ZKSCAN7: variants seen among roughly 807,000 people sequenced by gnomAD.
ZKSCAN7 encodes the protein zinc finger protein with KRAB and SCAN domains 7.
Under a neutral mutation model 65.3 loss-of-function variants are expected in ZKSCAN7, and 38 were observed. That is an observed-to-expected ratio of 0.58 (90% CI 0.45 to 0.76). ZKSCAN7 has a LOEUF of 0.76. Among genes scored for constraint, ZKSCAN7 ranks in the 30% least tolerant of loss-of-function variants. ZKSCAN7 has a pLI of 0.00. For synonymous variants in ZKSCAN7, 321 were observed against 321.0 expected (o/e 1.00, Z 0.00); for missense variants, 815 against 913.3 (o/e 0.89, Z 1.39).
Position 44,556,917 on chromosome 3 carries a change from C to T in ZKSCAN7, c.-118-13C>T, listed in dbSNP as rs997322183. 8.2e-7 allele frequency: 1 copy of T among 1,219,154 alleles called. No individual in the cohort carries two copies. Among genetic ancestry groups the T allele is most frequent in the Non-Finnish European group, 1.2e-6 (1 of 848,338 alleles). 75.5% of individuals were successfully genotyped at this position (1,219,154 alleles called of 1,614,324 possible). On this transcript the variant is annotated splice_polypyrimidine_tract_variant and intron_variant, in intron 1 of 5. Transcript: ENST00000426540. ...ATACTCCAAGAACTCTGATTTCACT[C>T]TTGTTTCTGTAGGCCACACTACCAT...
chr3:44,579,976 G>T (rs925069339), intron 5 of ZKSCAN7: 25 of 1,479,952 alleles, frequency 1.7e-5, no homozygotes, highest in African/African-American at 3.5e-5. Context: ...AGAGGAGCTT[G>T]GGGGGGGGCT....
intron 5 of ZKSCAN7, among the ~76,000 whole-genome samples, chr3:44,581,255 T>TG (rs1167875795): frequency 6.7e-6 from 1 of 148,432 alleles, no homozygotes; most frequent in African/African-American, 2.4e-5. Flanking sequence ...CCAGCCGCCG[T>TG]GGGCCCAAGG....
At chr3:44,575,711 G>A (rs1699909675), downstream of ZKSCAN7, among the ~76,000 whole-genome samples, 1 of 152,168 alleles carries the variant, frequency 6.6e-6, no homozygotes, top group Non-Finnish European at 1.5e-5. Context: ...CTGAGTAGCT[G>A]GGATTACAGG....
At chr3:44,581,003 C>A in intron 5 of ZKSCAN7, 1 of 1,606,896 alleles carries the variant, frequency 6.2e-7, no homozygotes, top group Non-Finnish European at 8.5e-7. Flanking sequence ...ATTTCCTGCA[C>A]GGGTTCTCCT....
downstream of ZKSCAN7, among the ~76,000 whole-genome samples, chr3:44,572,849 CAAAAAAAAA>C (rs11339297): frequency 1.4e-5 from 1 of 72,436 alleles, no homozygotes; most frequent in Non-Finnish European, 2.7e-5. Context: ...GACTCTGTCT[CAAAAAAAAA>C]AAAAAAAAAA....
At chr3:44,565,445 A>G (rs200543858) in intron 2 of ZKSCAN7, 42 bp from the exon 3 acceptor site, 102 of 1,543,650 alleles carry the variant, frequency 6.6e-5, no homozygotes, top group Non-Finnish European at 8.1e-5. Context: ...CAGTACCTTC[A>G]AGGATGCTCT....
intron 5 of ZKSCAN7, among the ~76,000 whole-genome samples, chr3:44,581,339 C>T (rs980010159): frequency 4.0e-5 from 6 of 151,268 alleles, no homozygotes; most frequent in South Asian, 2.1e-4. Context: ...CCGGCTCGTC[C>T]GCGCCGCCAC....
intron 2 of ZKSCAN7, among the ~76,000 whole-genome samples, chr3:44,562,522 G>A (rs557245308): frequency 2.5e-4 from 38 of 152,338 alleles, no homozygotes; most frequent in African/African-American, 8.7e-4. Context: ...CAGAAAACGG[G>A]TTTTTCTTTT....
chr3:44,559,725 C>T (rs998812952), intron 2 of ZKSCAN7, among the ~76,000 whole-genome samples: 1 of 152,214 alleles, frequency 6.6e-6, no homozygotes, highest in African/African-American at 2.4e-5. Flanking sequence ...TCACGCTCAG[C>T]CTATTCAATG....
downstream of ZKSCAN7, among the ~76,000 whole-genome samples, chr3:44,575,061 G>A (rs1699895825): frequency 6.6e-6 from 1 of 152,184 alleles, no homozygotes; most frequent in Non-Finnish European, 1.5e-5. Context: ...GGGAGGTGAA[G>A]GCAGGAGGAT....
chr3:44,580,650 T>G, intron 5 of ZKSCAN7: 6 of 1,613,934 alleles, frequency 3.7e-6, no homozygotes, highest in Non-Finnish European at 5.1e-6. Context: ...GAAATGCTCC[T>G]TCTCAGGCGT....
At position 44,568,420 on chromosome 3, in the gene ZKSCAN7, C is replaced by G. The variant is rs1699697624; in HGVS notation, c.798C>G (p.Ser266Arg). ...QWNMMPENHH[S>R]MASLAGENMM... ...ACATGATGCCAGAAAATCACCATAG[C>G]ATGGCCTCCTTGGGTAATGATTCTG... The change falls in exon 5 of 6, where the codon AGC (serine) becomes AGG (arginine). Residue 266 changes from serine to arginine, a missense_variant. This residue lies in a region of ZKSCAN7 where 578 missense variants were observed against 629.5 expected (regional missense o/e 0.92). Transcript: ENST00000426540. 1 of 1,613,804 alleles carries G rather than the reference C, an allele frequency of 6.2e-7. No homozygotes were observed. Among genetic ancestry groups the G allele is most frequent in the Non-Finnish European group, 8.5e-7 (1 of 1,179,878 alleles).
intron 2 of ZKSCAN7, 108 bp from the exon 3 acceptor site, chr3:44,565,379 G>A: frequency 4.4e-6 from 5 of 1,142,718 alleles, no homozygotes; most frequent in Non-Finnish European, 6.0e-6. Flanking sequence ...AGGACACCCT[G>A]GCTCTTCTTT....
At position 44,555,215 on chromosome 3, in the gene ZKSCAN7, T is replaced by C. The variant is rs1699253694; in HGVS notation, c.-385T>C. The C allele has an allele frequency of 6.6e-6, 1 of 152,224 alleles. No individual in the cohort carries two copies. Among genetic ancestry groups the C allele is most frequent in the African/African-American group, 2.4e-5 (1 of 41,462 alleles). 9.4% of individuals were successfully genotyped at this position (152,224 alleles called of 1,614,324 possible). On this transcript the variant is annotated 5_prime_UTR_variant, in exon 1 of 6. Transcript: ENST00000426540. ...CTCGCTTCCGGCTCGGCCATTGTTT[T>C]TGGTCTAACGGGCAGTAGAGTGTCC...
chr3:44,561,810 G>C (rs1000700183), intron 2 of ZKSCAN7, among the ~76,000 whole-genome samples: 1 of 152,228 alleles, frequency 6.6e-6, no homozygotes, highest in East Asian at 1.9e-4. Context: ...TGATGCAAGA[G>C]ATCAGTTCCC....
intron 2 of ZKSCAN7, among the ~76,000 whole-genome samples, chr3:44,561,882 C>T (rs1699485080): frequency 6.6e-6 from 1 of 152,218 alleles, no homozygotes; most frequent in Non-Finnish European, 1.5e-5. Context: ...GCTGCAGTCA[C>T]CAACTGACAT....
intron 2 of ZKSCAN7, among the ~76,000 whole-genome samples, chr3:44,558,714 T>C (rs1202215441): frequency 6.7e-6 from 1 of 150,286 alleles, no homozygotes; most frequent in African/African-American, 2.4e-5. Flanking sequence ...TTCTTCTTTT[T>C]CCTCCTCCTC....
In ZKSCAN7 at chr3:44,571,740, CAA is replaced by C. The variant is rs2125726573; in HGVS notation, c.*367_*368del. ...TACTTCCTCCATTTCACCATTTATACAAAGTCATTCAAAAAGGCTGATTCATG... is the reference window on the plus strand; with the variant it reads ...TACTTCCTCCATTTCACCATTTATACAGTCATTCAAAAAGGCTGATTCATG... On this transcript the variant is annotated 3_prime_UTR_variant, in exon 6 of 6. Coordinates refer to ENST00000426540, the MANE Select transcript of ZKSCAN7 (RefSeq NM_001288590.2). 2.9e-6 allele frequency: 3 copies of C among 1,047,272 alleles called. No homozygotes were observed. The South Asian group carries it at 1.0e-4, about 36-fold the overall frequency. The allele number at this position is 1,047,272 out of a possible 1,614,324, so 64.9% of individuals were successfully genotyped here. A position where few individuals can be genotyped will look rare whatever the true frequency, so the allele number is the denominator to read the frequency against.
chr3:44,560,155 CA>C (rs1252336594), intron 2 of ZKSCAN7, among the ~76,000 whole-genome samples: 2 of 152,180 alleles, frequency 1.3e-5, no homozygotes, highest in African/African-American at 4.8e-5. Flanking sequence ...CTCATGGCTC[CA>C]GCTTGGGTGT....
Sources: allele counts gnomAD v4.1 joint callset (sites outside exome capture counted in the v4.1 genomes callset), GRCh38; gene constraint gnomAD v4.1.1; regional missense constraint gnomAD v4.1.1; transcripts MANE v1.5; gene names NCBI Gene and HGNC (gene_info 2026-07-23, HGNC 2026-07-21).